RPS6KA2: variants seen among roughly 807,000 people sequenced by gnomAD.
RPS6KA2 encodes ribosomal protein S6 kinase A2.
In RPS6KA2, 42 loss-of-function variants were observed where a neutral mutation model predicts 91.8. The ratio of observed to expected loss-of-function variants is 0.46; its 90% CI spans 0.36 to 0.59. RPS6KA2 has a LOEUF of 0.59. Ranked by LOEUF, RPS6KA2 falls within the 20% of genes least tolerant of loss-of-function variation. RPS6KA2 has a pLI of 0.00. For synonymous variants in RPS6KA2, 414 were observed against 393.6 expected (o/e 1.05, Z -0.61); for missense variants, 798 against 978.5 (o/e 0.82, Z 2.46).
At chr6:166,421,646 A>G (rs933115742) in intron 17 of RPS6KA2, among the ~76,000 whole-genome samples, 1 of 151,914 alleles carries the variant, frequency 6.6e-6, no homozygotes, top group Non-Finnish European at 1.5e-5. Flanking sequence ...TGCAGATACC[A>G]TGTAGGCTGG....
At position 166,538,932 on chromosome 6, in the gene RPS6KA2, G is replaced by A. The variant is rs545111387; in HGVS notation, c.100-148C>T. 31 of 493,184 alleles carry A rather than the reference G, an allele frequency of 6.3e-5. No homozygotes were observed. In the South Asian group the frequency reaches 9.0e-4, roughly 14 times the overall value. The allele number at this position is 493,184 out of a possible 1,614,324, so 30.6% of individuals were successfully genotyped here. On this transcript the variant is annotated intron_variant, in intron 1 of 20. Transcript: ENST00000265678. The stretch of plus-strand genomic sequence containing the variant: ...GAAAGTGGAGACACCATTTAGTTGT[G>A]TTTTTTTCTTTTTTTTTTCTTAAGA...
intron 10 of RPS6KA2, among the ~76,000 whole-genome samples, chr6:166,478,983 C>T (rs1781086317): frequency 6.6e-6 from 1 of 152,222 alleles, no homozygotes; most frequent in East Asian, 1.9e-4. Flanking sequence ...TGGGTCTGAG[C>T]ACCTGGCTCT....
In RPS6KA2 at chr6:166,423,735, TGTG is replaced by T. The variant is rs1045563545; in HGVS notation, c.1582-321_1582-319del. The stretch of plus-strand genomic sequence containing the variant: ...ACTGGAGCTGTCACATAAAAGGAAA[TGTG>T]GTGAGCTCTGGAGATAGGAATGAAA... On this transcript the variant is annotated intron_variant, in intron 16 of 20. Transcript: ENST00000265678. This position sits in a 1 kb window ranked among gnomAD's most constrained non-coding sequence, Gnocchi z 4.8. 7.8e-6 allele frequency: 2 copies of T among 256,582 alleles called. No homozygotes were observed. The highest frequency in any genetic ancestry group is 7.8e-5 in the South Asian group (1 of 12,846). 15.9% of individuals were successfully genotyped at this position (256,582 alleles called of 1,614,324 possible).
intron 16 of RPS6KA2, among the ~76,000 whole-genome samples, chr6:166,430,180 G>A (rs1779071591): frequency 6.6e-6 from 1 of 151,806 alleles, no homozygotes; most frequent in South Asian, 2.1e-4. Flanking sequence ...ATGTTGGCTA[G>A]GCTGGTCGCG....
At chr6:166,694,352 T>G (rs1789297754) in intron 2 of RPS6KA2, among the ~76,000 whole-genome samples, 1 of 152,246 alleles carries the variant, frequency 6.6e-6, no homozygotes, top group Non-Finnish European at 1.5e-5. Context: ...ACATCCCATA[T>G]TGTTTAGAAG....
chr6:166,770,584 G>A lies in RPS6KA2; in HGVS notation c.123+87616C>T, dbSNP rs1017857766. Among the ~76,000 whole-genome samples the A allele has an allele frequency of 6.6e-6, 1 of 152,180 alleles. No homozygotes were observed. Among genetic ancestry groups the A allele is most frequent in the Admixed American group, 6.5e-5 (1 of 15,270 alleles). ...TTCAGAATCAAACTCAAATCATAAT[G>A]CATGGCAAGATGACATCCTCAGTTT... On this transcript the variant is annotated intron_variant, in intron 2 of 21. Coordinates refer to the RPS6KA2 transcript ENST00000503859. This position sits in a 1 kb window ranked among gnomAD's most constrained non-coding sequence, Gnocchi z 5.1.
chr6:166,762,836 G>A (rs940777508), intron 2 of RPS6KA2, among the ~76,000 whole-genome samples: 1 of 152,196 alleles, frequency 6.6e-6, no homozygotes, highest in African/African-American at 2.4e-5. Flanking sequence ...TGTGGGCACC[G>A]AGGCTACTGC....
chr6:166,419,838 T>A lies in RPS6KA2; in HGVS notation c.1820+44A>T. 1.3e-6 allele frequency: 2 copies of A among 1,561,440 alleles called. No homozygotes were observed. The highest frequency in any genetic ancestry group is 1.8e-6 in the Non-Finnish European group (2 of 1,132,616). On this transcript the variant is annotated intron_variant, in intron 18 of 20. Coordinates refer to ENST00000265678, the MANE Select transcript of RPS6KA2 (RefSeq NM_021135.6). This position sits in a 1 kb window ranked among gnomAD's most constrained non-coding sequence, Gnocchi z 5.6. Reference sequence around the variant, plus strand: ...CTGACAGATCAGCCACTGAGGCTGCTGCCCTGTGTCTCCTCCTGACACCTG... The same window carrying A: ...CTGACAGATCAGCCACTGAGGCTGCAGCCCTGTGTCTCCTCCTGACACCTG...
chr6:166,471,535 C>T (rs1780769359), intron 10 of RPS6KA2, among the ~76,000 whole-genome samples: 2 of 152,374 alleles, frequency 1.3e-5, no homozygotes, highest in South Asian at 4.1e-4. Context: ...GTTATTCACA[C>T]TTTGACGTGA....
intron 12 of RPS6KA2, among the ~76,000 whole-genome samples, chr6:166,455,598 C>T (rs965052601): frequency 6.6e-6 from 1 of 152,190 alleles, no homozygotes; most frequent in Non-Finnish European, 1.5e-5. Context: ...AGCGAAGCGT[C>T]GTTAAAAAAC....
chr6:166,420,314 C>T (rs1778677865), intron 17 of RPS6KA2, among the ~76,000 whole-genome samples: 1 of 152,116 alleles, frequency 6.6e-6, no homozygotes, highest in Admixed American at 6.5e-5. Flanking sequence ...AGCATTAAGC[C>T]CATTTACATT....
At chr6:166,488,803 C>T (rs1781497628) in intron 10 of RPS6KA2, 30 bp downstream of exon 10, 1 of 1,576,088 alleles carries the variant, frequency 6.3e-7, no homozygotes, top group Non-Finnish European at 8.7e-7. Context: ...CCTGCACGTT[C>T]CCGTGGTGGG....
intron 1 of RPS6KA2, among the ~76,000 whole-genome samples, chr6:166,543,440 G>A (rs764616403): frequency 2.6e-5 from 4 of 152,156 alleles, no homozygotes; most frequent in Non-Finnish European, 4.4e-5. Flanking sequence ...CTCACCAAAG[G>A]TGCCCTTCTC....
intron 10 of RPS6KA2, among the ~76,000 whole-genome samples, chr6:166,474,800 A>C (rs1471347004): frequency 6.6e-6 from 1 of 151,970 alleles, no homozygotes; most frequent in Non-Finnish European, 1.5e-5. Context: ...CTAGCCCTAC[A>C]AAGCCTGTTC....
intron 2 of RPS6KA2, among the ~76,000 whole-genome samples, chr6:166,809,993 A>C (rs1445911477): frequency 6.6e-6 from 1 of 152,224 alleles, no homozygotes; most frequent in East Asian, 1.9e-4. Context: ...AAAGAAGCTT[A>C]AGTGACTCAC....
chr6:166,627,010 T>A lies in RPS6KA2; in HGVS notation c.10A>T (p.Ser4Cys), dbSNP rs1786909357. The change falls in exon 1 of 21, where the codon AGC (serine) becomes TGC (cysteine). Residue 4 changes from serine (S) to cysteine (C), a missense_variant. By Grantham distance (112) the Ser-to-Cys change is moderately radical (BLOSUM62 -1). Coordinates refer to ENST00000265678, the MANE Select transcript of RPS6KA2 (RefSeq NM_021135.6). MDLSMKKFAVRRFF... is the reference protein window; with the variant it reads MDLCMKKFAVRRFF... The stretch of plus-strand genomic sequence containing the variant: ...CTGCGCACGGCGAACTTCTTCATGC[T>A]CAGGTCCATCGCCCCGCGCCCAGCC... 2.0e-6 allele frequency: 3 copies of A among 1,522,266 alleles called. No individual in the cohort carries two copies. The highest frequency in any genetic ancestry group is 1.8e-6 in the Non-Finnish European group (2 of 1,131,210). 94.3% of individuals were successfully genotyped at this position (1,522,266 alleles called of 1,614,324 possible).
At chr6:166,842,840 C>G (rs547594413) in intron 2 of RPS6KA2, among the ~76,000 whole-genome samples, 1 of 152,202 alleles carries the variant, frequency 6.6e-6, no homozygotes, top group Non-Finnish European at 1.5e-5. Context: ...AGACCCACAT[C>G]GTGAACTTTT....
rs1233424515 is a variant in RPS6KA2 at position 166,437,600 on chromosome 6, T to C, written c.1333-5110A>G. ...CCACAGCCGGTAAATAAACTTTCCA[T>C]GGTGTTGCCACCGAGCAGGCTGAAT... On this transcript the variant is annotated intron_variant, in intron 14 of 20. Transcript: ENST00000265678. The surrounding 1 kb of genome is among the most constrained non-coding windows in gnomAD (Gnocchi z 4.3). Among the ~76,000 whole-genome samples the C allele has an allele frequency of 6.6e-6, 1 of 152,218 alleles. No individual in the cohort carries two copies. The highest frequency in any genetic ancestry group is 1.5e-5 in the Non-Finnish European group (1 of 68,036).
chr6:166,627,642 A>G, upstream of RPS6KA2: 1 of 152,428 alleles, frequency 6.6e-6, no homozygotes, highest in Non-Finnish European at 1.5e-5. Flanking sequence ...ATACCTAATG[A>G]GCCTCGGCCC....
Sources: allele counts gnomAD v4.1 joint callset (sites outside exome capture counted in the v4.1 genomes callset), GRCh38; gene constraint gnomAD v4.1.1; non-coding constraint Gnocchi (gnomAD v3.1); transcripts MANE v1.5; gene names NCBI Gene and HGNC (gene_info 2026-07-23, HGNC 2026-07-21).